The following SPAG5 variants were observed in gnomAD, a reference collection of about 807,000 sequenced individuals.
SPAG5 encodes the protein sperm associated antigen 5, also known as sperm-associated antigen 5.
SPAG5 carries 99 observed loss-of-function variants against 145.4 expected under a neutral mutation model. That is an observed-to-expected ratio of 0.68 (90% CI 0.58 to 0.80). The LOEUF is 0.80. Among genes scored for constraint, SPAG5 ranks in the 30% least tolerant of loss-of-function variants. SPAG5 has a pLI of 0.00. For synonymous variants in SPAG5, 477 were observed against 525.4 expected (o/e 0.91, Z 1.26); for missense variants, 1,192 against 1,416.0 (o/e 0.84, Z 2.54).
chr17:28,579,040 A>C, intron 19 of SPAG5, 101 bp downstream of exon 19: 1 of 1,038,782 alleles, frequency 9.6e-7, no homozygotes, highest in Non-Finnish European at 1.4e-6. Flanking sequence ...CAGTGGTTGG[A>C]AAATCCCCAC....
Position 28,592,024 on chromosome 17 carries a change from C to T in SPAG5, c.1220G>A (p.Gly407Asp). Residue 407 changes from glycine (G) to aspartate (D), a missense_variant, in exon 3 of 24, where the codon GGC (glycine) becomes GAC (aspartate). By Grantham distance (94) the Gly-to-Asp change is moderately conservative (BLOSUM62 -1). Around this residue, in one of 5 missense-constraint regions of SPAG5, gnomAD observed 125 missense variants for 143.8 expected, o/e 0.87. Coordinates refer to ENST00000321765, the MANE Select transcript of SPAG5 (RefSeq NM_006461.4). ...STNTSQTGLV[G>D]TKHSTSETEQ... ...TGTCTCAGAAGTACTGTGCTTGGTGCCAACCAGGCCTGTCTGGGATGTGTT... is the reference window on the plus strand; with the variant it reads ...TGTCTCAGAAGTACTGTGCTTGGTGTCAACCAGGCCTGTCTGGGATGTGTT... The T allele has an allele frequency of 6.2e-7, 1 of 1,614,148 alleles. No homozygotes were observed. Among genetic ancestry groups the T allele is most frequent in the Non-Finnish European group, 8.5e-7 (1 of 1,180,014 alleles).
intron 18 of SPAG5, 28 bp from the exon 19 acceptor site, chr17:28,579,280 T>C (rs1400570883): frequency 1.2e-6 from 2 of 1,613,912 alleles, no homozygotes; most frequent in South Asian, 2.2e-5. Flanking sequence ...TTAGCAACAT[T>C]CCTGTCCTCT....
rs777882538 is a variant in SPAG5, at chr17:28,585,338, C to T, written c.1934G>A (p.Trp645Ter). ...ACTCACATCCAGTTGCATGGACCTC[C>T]AGTCTTGTTGCAAGGTAGAAGTAAG... ...VSLTSTLQQD[W>*]RSMQLDYTTW... is the part of the protein sequence containing the mutation. The change falls in exon 9 of 24, where the codon TGG becomes TAG. Residue 645 changes from tryptophan to a stop codon, truncating the protein, a stop_gained. Transcript: ENST00000321765. LOFTEE classifies it high-confidence loss of function. 1 of 1,614,152 alleles carries T rather than the reference C, an allele frequency of 6.2e-7. No homozygotes were observed. Among genetic ancestry groups the T allele is most frequent in the Non-Finnish European group, 8.5e-7 (1 of 1,179,984 alleles).
intron 10 of SPAG5, 127 bp from the exon 11 acceptor site, chr17:28,584,872 A>G: frequency 1.2e-6 from 1 of 821,388 alleles, no homozygotes; most frequent in Non-Finnish European, 2.0e-6. Flanking sequence ...ATTGCAGAAA[A>G]TAAGGTTGAT....
At chr17:28,586,521 T>G (rs879124833) in intron 4 of SPAG5, 22 bp from the exon 5 acceptor site, 2 of 1,590,878 alleles carry the variant, frequency 1.3e-6, no homozygotes, top group East Asian at 2.2e-5. Context: ...AACAGAGTTG[T>G]TCCTTGTTTT....
rs372336715 is a variant in SPAG5 at position 28,583,593 on chromosome 17, C to T, written c.2603G>A (p.Arg868Gln). The T allele has an allele frequency of 1.4e-5, 22 of 1,613,674 alleles. No homozygotes were observed. Among genetic ancestry groups the T allele is most frequent in the African/African-American group, 8.0e-5 (6 of 74,866 alleles). ...DNQEQDLEKT[R>Q]QYSQKLGLLT... ...CAGCCCTAGCTTTTGAGAGTACTGC[C>T]GTGTTTTCTCCAGATCTTGCTCCTG... The change falls in exon 15 of 24, where the codon CGG becomes CAG. Residue 868 changes from arginine to glutamine, a missense_variant. Arg to Gln is a conservative substitution (Grantham distance 43). Coordinates refer to ENST00000321765, the MANE Select transcript of SPAG5 (RefSeq NM_006461.4).
At chr17:28,589,782 T>C (rs1239977669) in intron 4 of SPAG5, among the ~76,000 whole-genome samples, 1 of 152,010 alleles carries the variant, frequency 6.6e-6, no homozygotes, top group Non-Finnish European at 1.5e-5. Context: ...TGTGGTGGCA[T>C]ACACCTACAG....
Position 28,592,391 on chromosome 17 carries a change from G to GTGTGGGAAACCTCATTTCTCT in SPAG5, c.832_852dup (p.Arg278_Thr284dup). The GTGTGGGAAACCTCATTTCTCT allele has an allele frequency of 1.2e-6, 2 of 1,614,092 alleles. No individual in the cohort carries two copies. The highest frequency in any genetic ancestry group is 1.7e-6 in the Non-Finnish European group (2 of 1,180,020). On this transcript the variant is annotated inframe_insertion, in exon 3 of 24. Transcript: ENST00000321765. Reference sequence around the variant, plus strand: ...TCTTCTGTTTCAGACTCCTTAGGATGTGTGGGAAACCTCATTTCTCTTTCC... The same window carrying GTGTGGGAAACCTCATTTCTCT: ...TCTTCTGTTTCAGACTCCTTAGGATGTGTGGGAAACCTCATTTCTCTTGTGGGAAACCTCATTTCTCTTTCC...
At position 28,584,359 on chromosome 17, in the gene SPAG5, G is replaced by C. The variant is rs2070569107; in HGVS notation, c.2283C>G (p.Thr761=). 12 of 1,614,146 alleles carry C rather than the reference G, an allele frequency of 7.4e-6. No individual in the cohort carries two copies. Among genetic ancestry groups the C allele is most frequent in the Non-Finnish European group, 1.0e-5 (12 of 1,180,030 alleles). Residue 761 remains threonine (T), a synonymous_variant, in exon 12 of 24, where the codon ACC becomes ACG. Transcript: ENST00000321765. The part of the protein sequence containing the change: ...AMKDELLCQL[T]QSNEEQAAQW... Reference sequence around the variant, plus strand: ...GAGCAGCCTGCTCCTCATTGCTCTGGGTAAGCTGGCAGAGTAACTCATCCT... The same window carrying C: ...GAGCAGCCTGCTCCTCATTGCTCTGCGTAAGCTGGCAGAGTAACTCATCCT...
Position 28,598,958 on chromosome 17 carries a change from A to T in SPAG5, c.-12T>A, listed in dbSNP as rs2070690122. On this transcript the variant is annotated 5_prime_UTR_variant, in exon 1 of 24. Coordinates refer to ENST00000321765, the MANE Select transcript of SPAG5 (RefSeq NM_006461.4). ...TTCACTCGCCACATCTTCAACCAGAAGGCAGGCCTATCACGTCTCAGACCA... is the reference window on the plus strand; with the variant it reads ...TTCACTCGCCACATCTTCAACCAGATGGCAGGCCTATCACGTCTCAGACCA... 1 of 1,613,714 alleles carries T rather than the reference A, an allele frequency of 6.2e-7. No individual in the cohort carries two copies. The highest frequency in any genetic ancestry group is 1.3e-5 in the African/African-American group (1 of 74,898).
At chr17:28,595,194 G>A (rs1315849729) in intron 2 of SPAG5, among the ~76,000 whole-genome samples, 2 of 150,264 alleles carry the variant, frequency 1.3e-5, no homozygotes, top group African/African-American at 4.9e-5. Flanking sequence ...GGAAGCAGAG[G>A]TTGCAGTGAG....
At chr17:28,580,316 A>G in intron 15 of SPAG5, 196 bp from the exon 16 acceptor site, 1 of 377,156 alleles carries the variant, frequency 2.7e-6, no homozygotes. Flanking sequence ...CAGTATTTTA[A>G]AAACAAACCT....
At chr17:28,589,620 A>G (rs550484384) in intron 4 of SPAG5, among the ~76,000 whole-genome samples, 1 of 152,184 alleles carries the variant, frequency 6.6e-6, no homozygotes, top group East Asian at 1.9e-4. Flanking sequence ...GCTTTAAAGT[A>G]TGTTATTAGC....
At chr17:28,587,717 CAAAAA>C (rs765826333) in intron 4 of SPAG5, among the ~76,000 whole-genome samples, 1 of 48,870 alleles carries the variant, frequency 2.0e-5, no homozygotes, top group African/African-American at 7.7e-5. Flanking sequence ...GACCTCGTCT[CAAAAA>C]AAAAAAAAAA....
chr17:28,586,637 T>C, intron 4 of SPAG5, 138 bp from the exon 5 acceptor site: 1 of 647,878 alleles, frequency 1.5e-6, no homozygotes, highest in Non-Finnish European at 2.8e-6. Context: ...GTTCAAGCAA[T>C]TCTCATGCCT....
chr17:28,588,880 CTA>C (rs2070602597), intron 4 of SPAG5, among the ~76,000 whole-genome samples: 2 of 152,014 alleles, frequency 1.3e-5, no homozygotes, highest in Non-Finnish European at 1.5e-5. Context: ...TGGGGTTTCA[CTA>C]TGTTAGCCAG....
rs772459432 is a variant in SPAG5, at chr17:28,586,513, C to T, written c.1438-14G>A. ...TTTATTAGTTATCTAGCCAGAAAAA[C>T]AGAGTTGTTCCTTGTTTTGTTTGTT... On this transcript the variant is annotated splice_polypyrimidine_tract_variant and intron_variant, in intron 4 of 23. Coordinates refer to ENST00000321765, the MANE Select transcript of SPAG5 (RefSeq NM_006461.4). The T allele has an allele frequency of 4.4e-6, 7 of 1,603,632 alleles. No homozygotes were observed. In the East Asian group the frequency reaches 1.3e-4, roughly 31 times the overall value.
rs770513954 is a variant in SPAG5 at position 28,579,745 on chromosome 17, C to G, written c.2884+6G>C. 1 of 1,613,418 alleles carries G rather than the reference C, an allele frequency of 6.2e-7. No homozygotes were observed. The highest frequency in any genetic ancestry group is 1.7e-5 in the Admixed American group (1 of 60,026). The stretch of plus-strand genomic sequence containing the variant: ...ATGAGGCAGGATCCCTGGAGCCCCT[C>G]CTAACCTGCGGGCTGAAGGGAAACC... On this transcript the variant is annotated splice_donor_region_variant and intron_variant, in intron 17 of 23. Coordinates refer to ENST00000321765, the MANE Select transcript of SPAG5 (RefSeq NM_006461.4).
At chr17:28,578,826 G>C (rs1298461858) in intron 19 of SPAG5, 74 bp from the exon 20 acceptor site, 18 of 1,241,522 alleles carry the variant, frequency 1.4e-5, no homozygotes, top group South Asian at 2.4e-5. Context: ...AGGTAGGAGA[G>C]AGTGCCTGAC....
Sources: allele counts gnomAD v4.1 joint callset (sites outside exome capture counted in the v4.1 genomes callset), GRCh38; gene constraint gnomAD v4.1.1; regional missense constraint gnomAD v4.1.1; transcripts MANE v1.5; gene names NCBI Gene and HGNC (gene_info 2026-07-23, HGNC 2026-07-21).